KLHL18: variants seen among roughly 807,000 people sequenced by gnomAD.
KLHL18 encodes the protein kelch like family member 18, also known as kelch-like protein 18.
Under a neutral mutation model 58.5 loss-of-function variants are expected in KLHL18, and 38 were observed. That is an observed-to-expected ratio of 0.65 (90% CI 0.50 to 0.85). The LOEUF (loss-of-function observed/expected upper bound fraction) is 0.85. KLHL18 is among the 40% of genes least tolerant of loss of function. KLHL18 has a pLI of 0.00. For synonymous variants in KLHL18, 303 were observed against 301.9 expected (o/e 1.00, Z -0.04); for missense variants, 624 against 778.4 (o/e 0.80, Z 2.36).
At chr3:47,314,474 G>A (rs758522954) in intron 1 of KLHL18, among the ~76,000 whole-genome samples, 3 of 149,196 alleles carry the variant, frequency 2.0e-5, no homozygotes, top group East Asian at 2.0e-4. Flanking sequence ...TTATTCTTAC[G>A]CTTATTTGTT....
Position 47,345,435 on chromosome 3 carries a change from G to T in KLHL18, c.*1494G>T, listed in dbSNP as rs1171331860. 6.6e-6 allele frequency: 1 copy of T among 152,616 alleles called. No individual in the cohort carries two copies. The highest frequency in any genetic ancestry group is 1.5e-5 in the Non-Finnish European group (1 of 68,020). 9.5% of individuals were successfully genotyped at this position (152,616 alleles called of 1,614,324 possible). A position where few individuals can be genotyped will look rare whatever the true frequency, so the allele number is the denominator to read the frequency against. On this transcript the variant is annotated 3_prime_UTR_variant, in exon 10 of 10. Coordinates refer to ENST00000232766, the MANE Select transcript of KLHL18 (RefSeq NM_025010.5). ...GAATCTCTTGCTGCTGCAAAGAACA[G>T]ATTTTATATTTCTTCCTCTAATCTT... is the stretch of plus-strand genomic sequence containing the variant.
chr3:47,311,681 ACT>A (rs2107613602), intron 1 of KLHL18, among the ~76,000 whole-genome samples: 1 of 152,212 alleles, frequency 6.6e-6, no homozygotes, highest in African/African-American at 2.4e-5. Flanking sequence ...ACAGAGCAAG[ACT>A]CTGTCTCAAA....
At chr3:47,300,327 A>ATGTATATACGTGTGTATG (rs1702993462) in intron 1 of KLHL18, among the ~76,000 whole-genome samples, 2 of 143,648 alleles carry the variant, frequency 1.4e-5, no homozygotes, top group African/African-American at 5.0e-5. Context: ...ATATATGTAT[A>ATGTATATACGTGTGTATG]TGTATATACG....
intron 1 of KLHL18, among the ~76,000 whole-genome samples, chr3:47,302,891 G>C (rs1198025112): frequency 6.6e-6 from 1 of 152,192 alleles, no homozygotes; most frequent in African/African-American, 2.4e-5. Context: ...ATGTCAATTT[G>C]TTTTCTGGCA....
intron 1 of KLHL18, among the ~76,000 whole-genome samples, chr3:47,286,470 G>C (rs926363843): frequency 2.0e-5 from 3 of 152,168 alleles, no homozygotes; most frequent in African/African-American, 7.2e-5. Flanking sequence ...GAAGCTTTTG[G>C]GTGTGAGATG....
chr3:47,335,625 A>G (rs1000254724), intron 6 of KLHL18, among the ~76,000 whole-genome samples: 3 of 152,108 alleles, frequency 2.0e-5, no homozygotes, highest in African/African-American at 7.2e-5. Context: ...CTCCCGCCTT[A>G]GCCTCCTGAG....
In KLHL18 at chr3:47,334,886, T is replaced by C; in HGVS notation, c.898+67T>C. 1 of 1,507,592 alleles carries C rather than the reference T, an allele frequency of 6.6e-7. No individual in the cohort carries two copies. Among genetic ancestry groups the C allele is most frequent in the Non-Finnish European group, 9.0e-7 (1 of 1,110,776 alleles). The allele number at this position is 1,507,592 out of a possible 1,614,324, so 93.4% of individuals were successfully genotyped here. A position where few individuals can be genotyped will look rare whatever the true frequency, so the allele number is the denominator to read the frequency against. Reference sequence around the variant, plus strand: ...CATGGATGAGGAAGCACCAGACAAATTAGCCTGGCCCTTCTGGTTTCTCTG... The same window carrying C: ...CATGGATGAGGAAGCACCAGACAAACTAGCCTGGCCCTTCTGGTTTCTCTG... On this transcript the variant is annotated intron_variant, in intron 6 of 9. Coordinates refer to ENST00000232766, the MANE Select transcript of KLHL18 (RefSeq NM_025010.5). The surrounding 1 kb of genome is among the most constrained non-coding windows in gnomAD (Gnocchi z 4.7).
chr3:47,343,434 T>C, intron 9 of KLHL18, 121 bp from the exon 10 acceptor site: 4 of 1,203,380 alleles, frequency 3.3e-6, no homozygotes, highest in Non-Finnish European at 4.7e-6. Flanking sequence ...GAGAGCTCCT[T>C]GTCCCCATAC....
chr3:47,327,562 A>ATT (rs1285710399), intron 3 of KLHL18, among the ~76,000 whole-genome samples: 1 of 152,256 alleles, frequency 6.6e-6, no homozygotes, highest in Non-Finnish European at 1.5e-5. Context: ...TTCAATCACT[A>ATT]TAAGTGCTTT....
intron 1 of KLHL18, among the ~76,000 whole-genome samples, chr3:47,311,105 G>A (rs1453163211): frequency 6.6e-6 from 1 of 151,932 alleles, no homozygotes. Context: ...TGCCTCCTGG[G>A]TTCATGCCAT....
intron 2 of KLHL18, among the ~76,000 whole-genome samples, chr3:47,320,606 T>C (rs964540755): frequency 6.6e-6 from 1 of 152,168 alleles, no homozygotes; most frequent in African/African-American, 2.4e-5. Context: ...AGGATTTATA[T>C]ACCCATGGCA....
intron 1 of KLHL18, among the ~76,000 whole-genome samples, chr3:47,309,590 G>C (rs1410157654): frequency 1.3e-5 from 2 of 152,260 alleles, no homozygotes; most frequent in African/African-American, 4.8e-5. Context: ...TCACTTCCCA[G>C]ACGGGTTGGC....
At chr3:47,306,992 G>A (rs868294233) in intron 1 of KLHL18, among the ~76,000 whole-genome samples, 5 of 151,866 alleles carry the variant, frequency 3.3e-5, no homozygotes, top group African/African-American at 4.8e-5. Context: ...ATTATGATTC[G>A]TTGATTTATT....
At chr3:47,290,322 CAT>C (rs1172922263) in intron 1 of KLHL18, among the ~76,000 whole-genome samples, 1 of 152,200 alleles carries the variant, frequency 6.6e-6, no homozygotes, top group African/African-American at 2.4e-5. Context: ...GTCTTTTAGA[CAT>C]ATGAATTCTT....
chr3:47,316,728 TATATATACATATATAC>T, intron 1 of KLHL18, among the ~76,000 whole-genome samples: 1 of 134,852 alleles, frequency 7.4e-6, no homozygotes, highest in African/African-American at 2.8e-5. Context: ...TATGTGTGTG[TATATATACATATATAC>T]GTATATATGT....
Position 47,334,638 on chromosome 3 carries a change from G to T in KLHL18, c.762-45G>T. 1.2e-6 allele frequency: 2 copies of T among 1,609,154 alleles called. No individual in the cohort carries two copies. Among genetic ancestry groups the T allele is most frequent in the Non-Finnish European group, 1.7e-6 (2 of 1,176,054 alleles). On this transcript the variant is annotated intron_variant, in intron 5 of 9. Coordinates refer to ENST00000232766, the MANE Select transcript of KLHL18 (RefSeq NM_025010.5). This position sits in a 1 kb window ranked among gnomAD's most constrained non-coding sequence, Gnocchi z 4.7. Reference sequence around the variant, plus strand: ...GCTCAGAGATGCAAACGAGGACTAAGTCAGGGGGATACCTCCTGTTCTAGC... The same window carrying T: ...GCTCAGAGATGCAAACGAGGACTAATTCAGGGGGATACCTCCTGTTCTAGC...
chr3:47,296,938 C>A (rs1702908405), intron 1 of KLHL18, among the ~76,000 whole-genome samples: 1 of 152,186 alleles, frequency 6.6e-6, no homozygotes, highest in Non-Finnish European at 1.5e-5. Context: ...TCAGTGGTTC[C>A]TGAGGACTCT....
chr3:47,334,497 G>A lies in KLHL18; in HGVS notation c.762-186G>A, dbSNP rs1422080268. ...GCTTGTCTTGCCCCTTTAATTTTGA[G>A]TATATCTCAGTAGCCATGTATGATT... On this transcript the variant is annotated intron_variant, in intron 5 of 9. Coordinates refer to ENST00000232766, the MANE Select transcript of KLHL18 (RefSeq NM_025010.5). This position sits in a 1 kb window ranked among gnomAD's most constrained non-coding sequence, Gnocchi z 4.7. Among the ~76,000 whole-genome samples the A allele has an allele frequency of 6.6e-6, 1 of 152,068 alleles. No homozygotes were observed. The highest frequency in any genetic ancestry group is 1.5e-5 in the Non-Finnish European group (1 of 68,006).
intron 1 of KLHL18, among the ~76,000 whole-genome samples, chr3:47,303,593 G>C (rs1703072536): frequency 6.6e-6 from 1 of 152,172 alleles, no homozygotes; most frequent in South Asian, 2.1e-4. Context: ...AAGGCTCAGG[G>C]CTTAGCAGCT....
Sources: allele counts gnomAD v4.1 joint callset (sites outside exome capture counted in the v4.1 genomes callset), GRCh38; gene constraint gnomAD v4.1.1; non-coding constraint Gnocchi (gnomAD v3.1); transcripts MANE v1.5; gene names NCBI Gene and HGNC (gene_info 2026-07-23, HGNC 2026-07-21).